The following CNTNAP2 variants were observed in gnomAD, a reference collection of about 807,000 sequenced individuals.
CNTNAP2 encodes the protein contactin associated protein 2.
In CNTNAP2, 98 loss-of-function variants were observed where a neutral mutation model predicts 155.2. That is an observed-to-expected ratio of 0.63 (90% CI 0.54 to 0.75). CNTNAP2 has a LOEUF of 0.75. Among genes scored for constraint, CNTNAP2 ranks in the 30% least tolerant of loss-of-function variants. The pLI is 0.00. For synonymous variants in CNTNAP2, 651 were observed against 631.2 expected (o/e 1.03, Z -0.47); for missense variants, 1,727 against 1,688.1 (o/e 1.02, Z -0.40).
In CNTNAP2 at chr7:147,659,578, G is replaced by A. The variant is rs539212088; in HGVS notation, c.2098+20272G>A. Among the ~76,000 whole-genome samples, 5 of 152,214 alleles carry A rather than the reference G, an allele frequency of 3.3e-5. No individual in the cohort carries two copies. The South Asian group carries it at 1.0e-3, about 32-fold the overall frequency. ...CATGTGTGTTGCATGGAGTTCTACT[G>A]GAAAGCTATCATGTAATAATACAAA... On this transcript the variant is annotated intron_variant, in intron 13 of 23. Transcript: ENST00000361727.
At chr7:148,234,448 C>T (rs376878467) in intron 20 of CNTNAP2, among the ~76,000 whole-genome samples, 268 of 152,278 alleles carry the variant, frequency 1.8e-3, no homozygotes, top group Admixed American at 4.1e-3. Context: ...TTACAAATTT[C>T]GACATTTTGC....
intron 1 of CNTNAP2, among the ~76,000 whole-genome samples, chr7:146,237,164 G>T (rs1297466693): frequency 6.6e-6 from 1 of 152,194 alleles, no homozygotes; most frequent in Non-Finnish European, 1.5e-5. Context: ...CCAGAAGCAG[G>T]ACCTTGGCAG....
At chr7:148,121,383 A>T (rs1804591737) in intron 16 of CNTNAP2, among the ~76,000 whole-genome samples, 1 of 152,206 alleles carries the variant, frequency 6.6e-6, no homozygotes, top group Non-Finnish European at 1.5e-5. Context: ...TTCCTGAGAC[A>T]TTGGGTAGAG....
At position 147,222,340 on chromosome 7, in the gene CNTNAP2, T is replaced by G. The variant is rs140618813; in HGVS notation, c.1349-77801T>G. Among the ~76,000 whole-genome samples the G allele has an allele frequency of 4.1e-3, 631 of 152,260 alleles. 2 individuals carry two copies. Among genetic ancestry groups the G allele is most frequent in the African/African-American group, 0.014 (598 of 41,536 alleles). On this transcript the variant is annotated intron_variant, in intron 8 of 23. Transcript: ENST00000361727. Reference sequence around the variant, plus strand: ...TTGAGATACCATCCAGCTCAGAGAATTTTTCCTGGACCATATTCAGTATAC... The same window carrying G: ...TTGAGATACCATCCAGCTCAGAGAAGTTTTCCTGGACCATATTCAGTATAC...
chr7:146,352,111 C>A (rs1794923461), intron 1 of CNTNAP2, among the ~76,000 whole-genome samples: 2 of 152,084 alleles, frequency 1.3e-5, no homozygotes, highest in African/African-American at 2.4e-5. Flanking sequence ...AAATTTTTAA[C>A]CAATTTTACT....
intron 4 of CNTNAP2, among the ~76,000 whole-genome samples, chr7:147,104,879 T>TATATAA (rs1463009801): frequency 1.5e-3 from 41 of 27,754 alleles, no homozygotes; most frequent in African/African-American, 0.013. Flanking sequence ...CCCTCATATA[T>TATATAA]ATATATATAT....
chr7:147,566,844 A>G (rs1004232401), intron 12 of CNTNAP2, among the ~76,000 whole-genome samples: 3 of 152,316 alleles, frequency 2.0e-5, no homozygotes, highest in Non-Finnish European at 2.9e-5. Flanking sequence ...AAAATATTTA[A>G]TAAGTGTTTG....
chr7:147,396,708 A>G (rs1796822665), intron 10 of CNTNAP2, among the ~76,000 whole-genome samples: 1 of 152,044 alleles, frequency 6.6e-6, no homozygotes, highest in Admixed American at 6.6e-5. Flanking sequence ...CTTTGTCTGT[A>G]AACAAATTAT....
intron 13 of CNTNAP2, among the ~76,000 whole-genome samples, chr7:147,641,860 C>T (rs1474525833): frequency 6.6e-6 from 1 of 152,124 alleles, no homozygotes; most frequent in Non-Finnish European, 1.5e-5. Context: ...ATTGAAGCCA[C>T]TCAATCTATG....
At chr7:147,212,557 G>A (rs1803172676) in intron 8 of CNTNAP2, among the ~76,000 whole-genome samples, 1 of 152,044 alleles carries the variant, frequency 6.6e-6, no homozygotes, top group South Asian at 2.1e-4. Context: ...ACAAAAAGAT[G>A]GCAACAGTAG....
At chr7:146,872,754 A>C (rs182911219) in intron 3 of CNTNAP2, among the ~76,000 whole-genome samples, 1 of 152,212 alleles carries the variant, frequency 6.6e-6, no homozygotes, top group Non-Finnish European at 1.5e-5. Context: ...CTGTATGCAC[A>C]AATTGTTCAA....
chr7:147,681,455 C>A (rs1795947151), intron 13 of CNTNAP2, among the ~76,000 whole-genome samples: 1 of 151,832 alleles, frequency 6.6e-6, no homozygotes, highest in South Asian at 2.1e-4. Flanking sequence ...TTCCCCCATG[C>A]TAGATGGGGT....
chr7:146,578,641 A>C (rs1798562104), intron 1 of CNTNAP2, among the ~76,000 whole-genome samples: 1 of 152,118 alleles, frequency 6.6e-6, no homozygotes, highest in African/African-American at 2.4e-5. Context: ...GCTGTCTTTT[A>C]TAAATATCTC....
At chr7:147,493,130 A>G (rs1798638534) in intron 11 of CNTNAP2, among the ~76,000 whole-genome samples, 1 of 152,194 alleles carries the variant, frequency 6.6e-6, no homozygotes, top group African/African-American at 2.4e-5. Context: ...TATACTCTTC[A>G]TTCGGTACAC....
chr7:147,460,821 T>G (rs761156473), intron 10 of CNTNAP2, among the ~76,000 whole-genome samples: 30 of 152,224 alleles, frequency 2.0e-4, no homozygotes, highest in Non-Finnish European at 2.8e-4. Flanking sequence ...TCAGTGACAT[T>G]GGATGTGCAT....
At chr7:146,533,394 G>A (rs977475415) in intron 1 of CNTNAP2, among the ~76,000 whole-genome samples, 2 of 151,936 alleles carry the variant, frequency 1.3e-5, no homozygotes, top group Non-Finnish European at 1.5e-5. Context: ...TGAAGATAAA[G>A]CAACCAAGGG....
At position 146,423,658 on chromosome 7, in the gene CNTNAP2, C is replaced by A. The variant is rs1584918458; in HGVS notation, c.97+306685C>A. Among the ~76,000 whole-genome samples, 3 of 152,182 alleles carry A rather than the reference C, an allele frequency of 2.0e-5. No individual in the cohort carries two copies. In the East Asian group the frequency reaches 5.8e-4, roughly 29 times the overall value. The stretch of plus-strand genomic sequence containing the variant: ...CCAGAAGCCTTGTCCAAATGCTCTG[C>A]GTCATGCAGATTGGCCTCTTTGTGT... On this transcript the variant is annotated intron_variant, in intron 1 of 23. Transcript: ENST00000361727.
At chr7:146,663,777 C>G (rs767892616) in intron 1 of CNTNAP2, among the ~76,000 whole-genome samples, 2 of 152,106 alleles carry the variant, frequency 1.3e-5, no homozygotes, top group African/African-American at 4.8e-5. Context: ...TTTCTATATA[C>G]GCCACCATGT....
chr7:147,893,688 C>A (rs141249236), intron 13 of CNTNAP2, among the ~76,000 whole-genome samples: 1 of 152,170 alleles, frequency 6.6e-6, no homozygotes, highest in Non-Finnish European at 1.5e-5. Flanking sequence ...ACTTACCTCC[C>A]ACCCGTGGGT....
Sources: allele counts gnomAD v4.1 joint callset (sites outside exome capture counted in the v4.1 genomes callset), GRCh38; gene constraint gnomAD v4.1.1; transcripts MANE v1.5; gene names NCBI Gene and HGNC (gene_info 2026-07-23, HGNC 2026-07-21).